The following LUZP2 variants were observed in gnomAD, a reference collection of about 807,000 sequenced individuals.
LUZP2 encodes leucine zipper protein 2.
A neutral mutation model predicts 51.6 loss-of-function variants in LUZP2; 52 were observed. The observed-to-expected ratio is 1.01, with a 90% CI of 0.81 to 1.27. The LOEUF (loss-of-function observed/expected upper bound fraction) is 1.27, where lower values mean the gene tolerates loss of function less well. LUZP2 is among the 50% of genes most tolerant of loss of function. The pLI is 0.00. For synonymous variants in LUZP2, 154 were observed against 137.3 expected (o/e 1.12, Z -0.85); for missense variants, 436 against 395.4 (o/e 1.10, Z -0.87).
intron 9 of LUZP2, among the ~76,000 whole-genome samples, chr11:25,028,641 C>T (rs1459371217): frequency 2.0e-5 from 3 of 150,494 alleles, no homozygotes; most frequent in Non-Finnish European, 4.4e-5. Context: ...AATCGTGTAC[C>T]ATTTTTTATT....
intron 5 of LUZP2, among the ~76,000 whole-genome samples, chr11:24,868,415 G>T (rs1245543069): frequency 6.6e-6 from 1 of 152,036 alleles, no homozygotes; most frequent in Admixed American, 6.6e-5. Context: ...CTTTGTTAAA[G>T]ATGCTATATA....
At chr11:24,893,082 A>G (rs905492830) in intron 5 of LUZP2, 3 of 152,314 alleles carry the variant, frequency 2.0e-5, no homozygotes, top group Admixed American at 6.5e-5. Flanking sequence ...CATGTCTAAG[A>G]TGTTCAGCTT....
At chr11:24,995,048 A>G (rs536396095) in intron 9 of LUZP2, among the ~76,000 whole-genome samples, 13 of 152,334 alleles carry the variant, frequency 8.5e-5, no homozygotes, top group African/African-American at 2.9e-4. Flanking sequence ...TTTCAATTGT[A>G]TAACTGTTAT....
At chr11:24,526,303 G>A (rs1287812021) in intron 1 of LUZP2, among the ~76,000 whole-genome samples, 1 of 150,136 alleles carries the variant, frequency 6.7e-6, no homozygotes, top group African/African-American at 2.4e-5. Flanking sequence ...ATTACTTCTG[G>A]TACTGACAAA....
chr11:24,511,702 G>T (rs1850316763), intron 1 of LUZP2, among the ~76,000 whole-genome samples: 1 of 152,124 alleles, frequency 6.6e-6, no homozygotes, highest in Non-Finnish European at 1.5e-5. Flanking sequence ...TTATATTGTG[G>T]TTTAGACATA....
intron 5 of LUZP2, among the ~76,000 whole-genome samples, chr11:24,779,235 A>T (rs555788585): frequency 3.3e-5 from 5 of 152,342 alleles, no homozygotes; most frequent in Admixed American, 3.3e-4. Context: ...GCACATTCAC[A>T]AAGTGTTGGA....
At chr11:24,791,957 CTT>C (rs34035344) in intron 5 of LUZP2, among the ~76,000 whole-genome samples, 2 of 144,708 alleles carry the variant, frequency 1.4e-5, no homozygotes, top group African/African-American at 5.0e-5. Flanking sequence ...TAGTGAGAGT[CTT>C]TTTTTTTTTT....
chr11:25,031,178 A>G (rs1256353289), intron 9 of LUZP2, among the ~76,000 whole-genome samples: 1 of 149,436 alleles, frequency 6.7e-6, no homozygotes, highest in Non-Finnish European at 1.5e-5. Flanking sequence ...CACCTGGCTA[A>G]TTTTTGTGTT....
chr11:24,521,730 T>A (rs1200503190), intron 1 of LUZP2, among the ~76,000 whole-genome samples: 1 of 152,140 alleles, frequency 6.6e-6, no homozygotes, highest in Non-Finnish European at 1.5e-5. Context: ...GCAGCTCCTT[T>A]GCAATTCAAA....
intron 4 of LUZP2, among the ~76,000 whole-genome samples, chr11:24,743,092 A>G (rs775265610): frequency 2.0e-4 from 30 of 151,796 alleles, no homozygotes; most frequent in Admixed American, 2.6e-4. Context: ...TTTTGTGACT[A>G]TGGGCTTATA....
At chr11:25,010,775 A>G (rs1210263665) in intron 9 of LUZP2, among the ~76,000 whole-genome samples, 1 of 152,042 alleles carries the variant, frequency 6.6e-6, no homozygotes, top group Non-Finnish European at 1.5e-5. Flanking sequence ...TGAACTCGGG[A>G]AGGGGAGGTT....
chr11:24,555,945 T>A (rs117801199), intron 1 of LUZP2, among the ~76,000 whole-genome samples: 1 of 152,186 alleles, frequency 6.6e-6, no homozygotes, highest in Non-Finnish European at 1.5e-5. Flanking sequence ...GCCACTGCAC[T>A]CCAGTGTGGG....
intron 5 of LUZP2, among the ~76,000 whole-genome samples, chr11:24,829,764 A>G (rs1457085559): frequency 6.6e-6 from 1 of 152,176 alleles, no homozygotes; most frequent in Admixed American, 6.5e-5. Flanking sequence ...GGTTCTAGAG[A>G]GTATGTGTGT....
At chr11:24,813,481 T>A (rs1850080719) in intron 5 of LUZP2, among the ~76,000 whole-genome samples, 1 of 151,896 alleles carries the variant, frequency 6.6e-6, no homozygotes, top group Non-Finnish European at 1.5e-5. Context: ...ATGGCAAGAA[T>A]GGAGCAAGAG....
intron 9 of LUZP2, among the ~76,000 whole-genome samples, chr11:24,998,417 TG>T (rs1221723415): frequency 4.6e-5 from 7 of 151,130 alleles, no homozygotes; most frequent in African/African-American, 1.7e-4. Context: ...TTTGGCTCTC[TG>T]TTTGTCTGTT....
intron 5 of LUZP2, among the ~76,000 whole-genome samples, chr11:24,860,099 C>T (rs1338294647): frequency 6.6e-6 from 1 of 152,208 alleles, no homozygotes; most frequent in Non-Finnish European, 1.5e-5. Flanking sequence ...TACGCTTTTC[C>T]CCTGCTGGAG....
chr11:24,714,382 A>G (rs1368303663), intron 1 of LUZP2, among the ~76,000 whole-genome samples: 2 of 152,176 alleles, frequency 1.3e-5, no homozygotes, highest in African/African-American at 4.8e-5. Context: ...TTTGAGTTGC[A>G]TTGCCTCCTC....
chr11:24,503,008 A>G (rs1331897089), intron 1 of LUZP2, among the ~76,000 whole-genome samples: 12 of 152,186 alleles, frequency 7.9e-5, no homozygotes, highest in Admixed American at 7.9e-4. Flanking sequence ...AAATTAAAGG[A>G]ATAAAAGATA....
intron 5 of LUZP2, among the ~76,000 whole-genome samples, chr11:24,903,182 T>C (rs755687622): frequency 1.3e-5 from 2 of 152,180 alleles, no homozygotes; most frequent in African/African-American, 2.4e-5. Flanking sequence ...CATCCCTTTA[T>C]TGGGGATACA....
Sources: allele counts gnomAD v4.1 joint callset (sites outside exome capture counted in the v4.1 genomes callset), GRCh38; gene constraint gnomAD v4.1.1; transcripts MANE v1.5; gene names NCBI Gene and HGNC (gene_info 2026-07-23, HGNC 2026-07-21).